CALD1: variants seen among roughly 807,000 people sequenced by gnomAD.
CALD1 encodes caldesmon.
CALD1 carries 33 observed loss-of-function variants against 99.9 expected under a neutral mutation model. The ratio of observed to expected loss-of-function variants is 0.33; its 90% CI spans 0.25 to 0.44. The LOEUF (loss-of-function observed/expected upper bound fraction) is 0.44, where lower values mean the gene tolerates loss of function less well. Ranked by LOEUF, CALD1 falls within the 20% of genes least tolerant of loss-of-function variation. CALD1 has a pLI of 1.00. For synonymous variants in CALD1, 310 were observed against 325.0 expected (o/e 0.95, Z 0.50); for missense variants, 861 against 962.1 (o/e 0.89, Z 1.39).
At chr7:134,927,532 A>G (rs1472353064) in intron 3 of CALD1, among the ~76,000 whole-genome samples, 2 of 140,786 alleles carry the variant, frequency 1.4e-5, no homozygotes, top group Non-Finnish European at 3.1e-5. Flanking sequence ...GGCCTGGGTG[A>G]CAGAGTTAGA....
the CALD1 span, among the ~76,000 whole-genome samples, chr7:134,716,703 G>C: frequency 1.3e-5 from 2 of 152,202 alleles, no homozygotes; most frequent in African/African-American, 4.8e-5. Flanking sequence ...ATGTGAGCTA[G>C]TTATTAAAAA....
chr7:134,812,111 C>T (rs1163283524), intron 1 of CALD1, among the ~76,000 whole-genome samples: 1 of 152,028 alleles, frequency 6.6e-6, no homozygotes, highest in East Asian at 1.9e-4. Flanking sequence ...CTCTATCTTC[C>T]CTAGGGTTTG....
At chr7:134,939,919 G>A (rs1478214719) in intron 6 of CALD1, among the ~76,000 whole-genome samples, 2 of 151,902 alleles carry the variant, frequency 1.3e-5, no homozygotes, top group Admixed American at 6.6e-5. Context: ...AGCTGAGATC[G>A]CACCACTGCA....
chr7:134,943,563 T>C (rs1416817526), intron 7 of CALD1, among the ~76,000 whole-genome samples: 1 of 152,236 alleles, frequency 6.6e-6, no homozygotes, highest in Non-Finnish European at 1.5e-5. Flanking sequence ...AAGGGTTTTA[T>C]AGAAAGTGCA....
chr7:134,948,679 G>GA (rs1013870904), intron 8 of CALD1, among the ~76,000 whole-genome samples: 9 of 149,634 alleles, frequency 6.0e-5, no homozygotes, highest in Non-Finnish European at 8.9e-5. Flanking sequence ...AAAATATGAA[G>GA]AAAAAAAAAG....
chr7:134,922,736 T>C (rs1313194034), intron 3 of CALD1, among the ~76,000 whole-genome samples: 2 of 152,236 alleles, frequency 1.3e-5, no homozygotes, highest in African/African-American at 2.4e-5. Context: ...TAACATCTCA[T>C]TGGTCTCCTC....
intron 1 of CALD1, among the ~76,000 whole-genome samples, chr7:134,836,954 G>T (rs574875114): frequency 6.6e-6 from 1 of 152,020 alleles, no homozygotes; most frequent in Non-Finnish European, 1.5e-5. Flanking sequence ...AGAGAAAGGA[G>T]AAAAGGCTGC....
chr7:134,728,898 C>G, the CALD1 span, among the ~76,000 whole-genome samples: 1 of 139,850 alleles, frequency 7.2e-6, no homozygotes, highest in East Asian at 2.0e-4. Flanking sequence ...TGTGCCCAGG[C>G]TGGAGTTCAG....
intron 2 of CALD1, among the ~76,000 whole-genome samples, chr7:134,865,524 C>T (rs1358543304): frequency 6.6e-6 from 1 of 152,180 alleles, no homozygotes; most frequent in Non-Finnish European, 1.5e-5. Flanking sequence ...GTATACTCAG[C>T]AGCATTCAAA....
intron 1 of CALD1, among the ~76,000 whole-genome samples, chr7:134,746,079 T>G (rs1186268296): frequency 6.6e-6 from 1 of 152,120 alleles, no homozygotes; most frequent in Non-Finnish European, 1.5e-5. Flanking sequence ...CCTTCAGGAG[T>G]CAAAGCTTGG....
At position 134,872,377 on chromosome 7, in the gene CALD1, A is replaced by AAAAAAC. The variant is rs1563058524; in HGVS notation, c.71+4574_71+4579dup. Among the ~76,000 whole-genome samples, 7 of 134,710 alleles carry AAAAAAC rather than the reference A, an allele frequency of 5.2e-5. 1 individual carries two copies. The highest frequency in any genetic ancestry group is 8.0e-5 in the Non-Finnish European group (5 of 62,760). 88.4% of individuals were successfully genotyped at this position (134,710 alleles called of 152,430 possible). ...GGTCTCAAAAAAAAAAAAAAAAAAA[A>AAAAAAC]AAAAACTTCCTTCTTTGTCTTGCCC... is the stretch of plus-strand genomic sequence containing the variant. On this transcript the variant is annotated intron_variant, in intron 3 of 14. Coordinates refer to ENST00000361675, the MANE Select transcript of CALD1 (RefSeq NM_033138.4).
intron 1 of CALD1, among the ~76,000 whole-genome samples, chr7:134,784,573 G>A (rs1043476744): frequency 3.3e-5 from 5 of 152,240 alleles, no homozygotes; most frequent in African/African-American, 1.2e-4. Context: ...GTGAAGTAGT[G>A]TATGGATGAA....
chr7:134,919,308 A>C (rs750252620), intron 3 of CALD1, among the ~76,000 whole-genome samples: 2 of 152,132 alleles, frequency 1.3e-5, no homozygotes, highest in Non-Finnish European at 2.9e-5. Flanking sequence ...ACCAGACCTG[A>C]TCTATTTGTT....
intron 1 of CALD1, among the ~76,000 whole-genome samples, chr7:134,842,325 G>A (rs1313372348): frequency 6.6e-6 from 1 of 152,220 alleles, no homozygotes; most frequent in African/African-American, 2.4e-5. Context: ...ATAAGAATAT[G>A]TATTTTACAA....
rs760821657 is a variant in CALD1, at chr7:134,935,670, AT to A, written c.1309-16del. The A allele has an allele frequency of 6.3e-7, 1 of 1,599,554 alleles. No homozygotes were observed. Among genetic ancestry groups the A allele is most frequent in the Non-Finnish European group, 8.5e-7 (1 of 1,173,322 alleles). On this transcript the variant is annotated splice_polypyrimidine_tract_variant and intron_variant, in intron 5 of 14. Transcript: ENST00000361675. ...CTTCTTTTACTTGTGTGACCTTACCATTCTTGAAAATAAAAAGGGAGAAGAG... is the reference window on the plus strand; with the variant it reads ...CTTCTTTTACTTGTGTGACCTTACCATCTTGAAAATAAAAAGGGAGAAGAG...
At chr7:134,938,710 C>T (rs2133037194) in intron 6 of CALD1, among the ~76,000 whole-genome samples, 1 of 152,184 alleles carries the variant, frequency 6.6e-6, no homozygotes, top group African/African-American at 2.4e-5. Context: ...AAATAATTTT[C>T]AGTTGAACTC....
chr7:134,719,463 A>G, the CALD1 span, among the ~76,000 whole-genome samples: 10 of 152,170 alleles, frequency 6.6e-5, no homozygotes, highest in Non-Finnish European at 1.0e-4. Context: ...GAAGCCTAGG[A>G]AGAGCCAAAC....
chr7:134,906,565 G>A (rs1040509499), intron 3 of CALD1, among the ~76,000 whole-genome samples: 2 of 152,206 alleles, frequency 1.3e-5, no homozygotes, highest in Admixed American at 1.3e-4. Context: ...CAATCTGTTT[G>A]ACTCACTTAT....
intron 3 of CALD1, chr7:134,928,181 C>T (rs1031965893): frequency 9.8e-6 from 2 of 204,082 alleles, no homozygotes; most frequent in African/African-American, 2.4e-5. Flanking sequence ...CCTGTAATCC[C>T]AGCACTTTGG....
Sources: allele counts gnomAD v4.1 joint callset (sites outside exome capture counted in the v4.1 genomes callset), GRCh38; gene constraint gnomAD v4.1.1; transcripts MANE v1.5; gene names NCBI Gene and HGNC (gene_info 2026-07-23, HGNC 2026-07-21).